The following SERINC2 variants were observed in gnomAD, a reference collection of about 807,000 sequenced individuals.
SERINC2 encodes tumor differentially expressed protein 2.
SERINC2 carries 56 observed loss-of-function variants against 54.2 expected under a neutral mutation model. The observed-to-expected ratio is 1.03, with a 90% CI of 0.83 to 1.29. The LOEUF (loss-of-function observed/expected upper bound fraction) is 1.29, where lower values mean the gene tolerates loss of function less well. SERINC2 is among the 50% of genes most tolerant of loss of function. The pLI is 0.00. For synonymous variants in SERINC2, 272 were observed against 253.1 expected (o/e 1.07, Z -0.71); for missense variants, 614 against 607.4 (o/e 1.01, Z -0.12).
intron 8 of SERINC2, among the ~76,000 whole-genome samples, chr1:31,431,869 AGGGTGGACAGGGTGGACAGGGT>A (rs2148528456): frequency 2.0e-5 from 3 of 147,712 alleles, no homozygotes; most frequent in Non-Finnish European, 4.5e-5. Flanking sequence ...TAGGGTGGAT[AGGGTGGACAGGGTGGACAGGGT>A]GGATAGGGTG....
rs782287711 is a variant in SERINC2, at chr1:31,425,419, C to T, written c.472+10C>T. On this transcript the variant is annotated intron_variant, in intron 4 of 9. Coordinates refer to ENST00000373709, the MANE Select transcript of SERINC2 (RefSeq NM_178865.5). ...GGCTCCTTCACCAACAGTAGGCGGACTTGGCAGGAGGCATGGGGGGCTGTG... is the reference window on the plus strand; with the variant it reads ...GGCTCCTTCACCAACAGTAGGCGGATTTGGCAGGAGGCATGGGGGGCTGTG... 6.3e-7 allele frequency: 1 copy of T among 1,596,046 alleles called. No individual in the cohort carries two copies. The highest frequency in any genetic ancestry group is 1.1e-5 in the South Asian group (1 of 90,754).
intron 5 of SERINC2, 103 bp downstream of exon 5, chr1:31,426,016 A>T: frequency 2.4e-6 from 3 of 1,261,936 alleles, no homozygotes; most frequent in Non-Finnish European, 3.3e-6. Context: ...ACTGGGGGGC[A>T]TCCCTAGCAG....
chr1:31,413,194 G>C (rs1640686245), upstream of SERINC2: 1 of 1,045,122 alleles, frequency 9.6e-7, no homozygotes, highest in South Asian at 4.3e-5. This position sits in a 1 kb window ranked among gnomAD's most constrained non-coding sequence, Gnocchi z 5.0. Context: ...GGAGGGGCCA[G>C]GCCCGGCACC....
upstream of SERINC2, chr1:31,410,329 C>T: frequency 1.9e-6 from 3 of 1,545,522 alleles, no homozygotes; most frequent in East Asian, 4.9e-5. Context: ...CTCACTTCAT[C>T]TCCTCAGTAG....
chr1:31,416,558 G>A (rs1341862542), intron 1 of SERINC2, among the ~76,000 whole-genome samples: 12 of 152,228 alleles, frequency 7.9e-5, no homozygotes, highest in African/African-American at 2.9e-4. Context: ...GCCCTGGGGC[G>A]GCTCAGCCAG....
chr1:31,423,504 G>T (rs1640950197), intron 1 of SERINC2, among the ~76,000 whole-genome samples, 189 bp from the exon 2 acceptor site: 1 of 152,204 alleles, frequency 6.6e-6, no homozygotes, highest in Admixed American at 6.5e-5. Context: ...TGGGTTCTGT[G>T]GTTACTGGCT....
At chr1:31,433,992 C>T (rs1346394839) in intron 9 of SERINC2, 72 bp from the exon 10 acceptor site, 9 of 1,515,496 alleles carry the variant, frequency 5.9e-6, no homozygotes, top group African/African-American at 2.7e-5. Flanking sequence ...ATAACTGGGA[C>T]ATAAGGCCAG....
At chr1:31,412,952 C>T (rs1553131650), upstream of SERINC2, among the ~76,000 whole-genome samples, 1 of 152,218 alleles carries the variant, frequency 6.6e-6, no homozygotes, top group East Asian at 1.9e-4. Flanking sequence ...GTCACACGGG[C>T]TCAAACCGAG....
rs782655818 is a variant in SERINC2 at position 31,429,530 on chromosome 1, C to T, written c.1005C>T (p.Leu335=). The change falls in exon 8 of 10, where the codon CTC becomes CTT. Residue 335 remains leucine (L), a synonymous_variant. Coordinates refer to ENST00000373709, the MANE Select transcript of SERINC2 (RefSeq NM_178865.5). ...VGLIIFLLCT[L]FISLRSSDHR... ...TCATCATCTTCCTCCTGTGCACCCT[C>T]TTCATCAGGTATGGCCAGGTCTGGA... 20 of 1,609,432 alleles carry T rather than the reference C, an allele frequency of 1.2e-5. No homozygotes were observed. The Middle Eastern group carries it at 9.9e-4, about 80-fold the overall frequency.
rs1641405694 is a variant in SERINC2 at position 31,434,219 on chromosome 1, A to G, written c.*20A>G. On this transcript the variant is annotated 3_prime_UTR_variant, in exon 10 of 10. Coordinates refer to ENST00000373709, the MANE Select transcript of SERINC2 (RefSeq NM_178865.5). ...AGCTGAGGCAGCCTCACAGCCTGCC[A>G]TCTGGTGCCTCCTGCCACCTGGTGC... 4.4e-6 allele frequency: 7 copies of G among 1,608,760 alleles called. No individual in the cohort carries two copies. The highest frequency in any genetic ancestry group is 5.1e-6 in the Non-Finnish European group (6 of 1,178,302).
upstream of SERINC2, among the ~76,000 whole-genome samples, chr1:31,412,747 A>T (rs1299421290): frequency 6.6e-6 from 1 of 152,218 alleles, no homozygotes; most frequent in Non-Finnish European, 1.5e-5. Context: ...CCACCCTGTG[A>T]GGTATGTATC....
intron 1 of SERINC2, among the ~76,000 whole-genome samples, chr1:31,419,703 C>A (rs1570034760): frequency 6.6e-6 from 1 of 152,288 alleles, no homozygotes; most frequent in East Asian, 1.9e-4. Context: ...GTGGTGCATG[C>A]CTGTGGTCCC....
intron 1 of SERINC2, among the ~76,000 whole-genome samples, chr1:31,423,272 C>A (rs1421963281): frequency 2.6e-5 from 4 of 152,246 alleles, no homozygotes; most frequent in Admixed American, 6.5e-5. Flanking sequence ...ACTCTCACAA[C>A]TGCTTTGTGA....
chr1:31,422,836 A>T (rs1264983746), intron 1 of SERINC2, among the ~76,000 whole-genome samples: 3 of 152,122 alleles, frequency 2.0e-5, no homozygotes, highest in Non-Finnish European at 4.4e-5. Context: ...CCAGCCCCTG[A>T]ATGATTTCAG....
Position 31,432,087 on chromosome 1 carries a change from G to A in SERINC2, c.1014-880G>A, listed in dbSNP as rs1342905982. Among the ~76,000 whole-genome samples, 23 of 121,058 alleles carry A rather than the reference G, an allele frequency of 1.9e-4. 1 individual carries two copies. Among genetic ancestry groups the A allele is most frequent in the African/African-American group, 3.5e-4 (10 of 28,500 alleles). The allele number at this position is 121,058 out of a possible 152,430, so 79.4% of individuals were successfully genotyped here. ...TGGACAGGGTGGACAGGGTGGTTAG[G>A]GTGGACAGGGTGGACAGGGTGGATA... On this transcript the variant is annotated intron_variant, in intron 8 of 9. Transcript: ENST00000373709.
At position 31,434,274 on chromosome 1, in the gene SERINC2, C is replaced by T; in HGVS notation, c.*75C>T. On this transcript the variant is annotated 3_prime_UTR_variant, in exon 10 of 10. Transcript: ENST00000373709. The stretch of plus-strand genomic sequence containing the variant: ...CGGCTCAGTGACAGCCAACCTGCCC[C>T]CTCCCCACACCAATCAGCCAGGCTG... 1 of 1,458,664 alleles carries T rather than the reference C, an allele frequency of 6.9e-7. No homozygotes were observed. Among genetic ancestry groups the T allele is most frequent in the South Asian group, 1.2e-5 (1 of 80,674 alleles). The allele number at this position is 1,458,664 out of a possible 1,614,324, so 90.4% of individuals were successfully genotyped here. A position where few individuals can be genotyped will look rare whatever the true frequency, so the allele number is the denominator to read the frequency against.
In SERINC2 at chr1:31,433,037, G is replaced by C; in HGVS notation, c.1084G>C (p.Ala362Pro). The C allele has an allele frequency of 6.6e-7, 1 of 1,522,862 alleles. No homozygotes were observed. Among genetic ancestry groups the C allele is most frequent in the Non-Finnish European group, 8.8e-7 (1 of 1,137,360 alleles). 94.3% of individuals were successfully genotyped at this position (1,522,862 alleles called of 1,614,324 possible). ...CGAGGAGTGCCCACCTATGCTAGAC[G>C]CCACACAGCAGCAGCAGCAGGTGGC... ...QTEECPPMLD[A>P]TQQQQQVAAC... The change falls in exon 9 of 10, where the codon GCC becomes CCC. Residue 362 changes from alanine to proline, a missense_variant. Physicochemically the swap from Ala to Pro is conservative, Grantham distance 27. Transcript: ENST00000373709.
At chr1:31,416,437 A>G (rs1444623396) in intron 1 of SERINC2, among the ~76,000 whole-genome samples, 1 of 152,202 alleles carries the variant, frequency 6.6e-6, no homozygotes, top group Non-Finnish European at 1.5e-5. Context: ...AGGTCAGATT[A>G]CAAGCTGTGG....
At chr1:31,419,923 T>C (rs1476446766) in intron 1 of SERINC2, among the ~76,000 whole-genome samples, 1 of 152,112 alleles carries the variant, frequency 6.6e-6, no homozygotes, top group South Asian at 2.1e-4. Context: ...GTAGGAGGAT[T>C]GCTTGAGCCC....
Sources: allele counts gnomAD v4.1 joint callset (sites outside exome capture counted in the v4.1 genomes callset), GRCh38; gene constraint gnomAD v4.1.1; non-coding constraint Gnocchi (gnomAD v3.1); transcripts MANE v1.5; gene names NCBI Gene and HGNC (gene_info 2026-07-23, HGNC 2026-07-21).